Variants in ANKRD60 observed in about 807,000 individuals in gnomAD.
ANKRD60 encodes the protein ankyrin repeat domain-containing protein 60.
Under a neutral mutation model 21.3 loss-of-function variants are expected in ANKRD60, and 24 were observed. The observed-to-expected ratio is 1.13, with a 90% CI of 0.82 to 1.59. The LOEUF (loss-of-function observed/expected upper bound fraction) is 1.59, where lower values mean the gene tolerates loss of function less well. ANKRD60 is among the 40% of genes most tolerant of loss of function. The pLI, the probability that ANKRD60 is intolerant of heterozygous loss-of-function variation, is 0.00. For missense variants in ANKRD60, 490 were observed against 466.7 expected (o/e 1.05, Z -0.46); for synonymous variants, 182 against 199.4 (o/e 0.91, Z 0.74).
chr20:58,218,619 A>T, exon 4 of ANKRD60: 1 of 1,551,776 alleles, frequency 6.4e-7, no homozygotes. Flanking sequence ...GAGGAGGACC[A>T]TCTGCCTCTC....
chr20:58,228,638 C>T lies in ANKRD60; in HGVS notation c.16G>A (p.Ala6Thr), dbSNP rs1984425671. The change falls in exon 1 of 4, where the codon GCC becomes ACC. Residue 6 changes from alanine to threonine, a missense_variant. Ala to Thr is a moderately conservative substitution (Grantham distance 58). Transcript: ENST00000457363. This position sits in a 1 kb window ranked among gnomAD's most constrained non-coding sequence, Gnocchi z 5.3. ...GCCGCCGCCCGCCGCATCCCCCAGG[C>T]GCGGCCGCGCGTCATCCGCGGCTCG... 3 of 996,514 alleles carry T rather than the reference C, an allele frequency of 3.0e-6. No homozygotes were observed. The highest frequency in any genetic ancestry group is 4.5e-5 in the South Asian group (1 of 22,080). The allele number at this position is 996,514 out of a possible 1,614,324, so 61.7% of individuals were successfully genotyped here.
At chr20:58,218,490 A>G (rs583987), downstream of ANKRD60, 1,545,211 of 1,545,512 alleles carry the variant, frequency 1, 772,455 homozygotes, top group Middle Eastern at 1. Context: ...CGTTCCCACC[A>G]GGAGCTAATG....
intron 2 of ANKRD60, among the ~76,000 whole-genome samples, chr20:58,222,099 C>T (rs190897587): frequency 2.5e-4 from 38 of 152,266 alleles, no homozygotes; most frequent in East Asian, 3.9e-4. Context: ...AGAATCGAGA[C>T]GAGGATGATG....
intron 3 of ANKRD60, among the ~76,000 whole-genome samples, chr20:58,219,398 T>A (rs574732289): frequency 6.6e-6 from 1 of 152,178 alleles, no homozygotes; most frequent in Admixed American, 6.5e-5. Flanking sequence ...TGACTTCCCC[T>A]CATAAACTCC....
At chr20:58,218,747 A>T in exon 4 of ANKRD60, 2 of 1,551,430 alleles carry the variant, frequency 1.3e-6, no homozygotes, top group Non-Finnish European at 1.7e-6. Flanking sequence ...ACCGGCCCAT[A>T]GCTGCAGCCA....
chr20:58,228,283 T>G lies in ANKRD60; in HGVS notation c.371A>C (p.Glu124Ala). ...GGGGATGCCGACCATCAGGTCCAGC[T>G]CCTCTTTGAGCTCCCGCACGGTCAT... The change falls in exon 1 of 4, where the codon GAG (glutamate) becomes GCG (alanine). Residue 124 changes from glutamate to alanine, a missense_variant. Transcript: ENST00000457363. This position sits in a 1 kb window ranked among gnomAD's most constrained non-coding sequence, Gnocchi z 5.3. The G allele has an allele frequency of 2.6e-6, 4 of 1,551,370 alleles. No homozygotes were observed. The highest frequency in any genetic ancestry group is 3.5e-6 in the Non-Finnish European group (4 of 1,146,868).
downstream of ANKRD60, among the ~76,000 whole-genome samples, chr20:58,217,442 A>G (rs1352006625): frequency 1.3e-5 from 2 of 152,016 alleles, no homozygotes; most frequent in African/African-American, 2.4e-5. Context: ...AAAAGAAAAA[A>G]AAAAATCAAG....
chr20:58,217,974 G>A (rs1022355064), downstream of ANKRD60, among the ~76,000 whole-genome samples: 5 of 152,080 alleles, frequency 3.3e-5, no homozygotes, highest in Admixed American at 1.3e-4. Context: ...TTCTGCCCCC[G>A]ACTCAAGAAG....
chr20:58,228,370 A>C lies in ANKRD60; in HGVS notation c.284T>G (p.Val95Gly). 6.5e-7 allele frequency: 1 copy of C among 1,549,880 alleles called. No homozygotes were observed. The highest frequency in any genetic ancestry group is 1.4e-5 in the African/African-American group (1 of 73,144). The change falls in exon 1 of 4, where the codon GTC becomes GGC. Residue 95 changes from valine to glycine, a missense_variant. By Grantham distance (109) the Val-to-Gly change is moderately radical (BLOSUM62 -3). Coordinates refer to ENST00000457363, the Ensembl canonical transcript of ANKRD60. The surrounding 1 kb of genome is among the most constrained non-coding windows in gnomAD (Gnocchi z 5.3). ...CGTCTCCTCCAGCCGCACCCGCAGG[A>C]CGAAGACGTCAGGGGCCAAGTCGGG... is the stretch of plus-strand genomic sequence containing the variant.
chr20:58,228,123 TG>T lies in ANKRD60; in HGVS notation c.430+100del. 8.2e-7 allele frequency: 1 copy of T among 1,221,686 alleles called. No individual in the cohort carries two copies. 75.7% of individuals were successfully genotyped at this position (1,221,686 alleles called of 1,614,324 possible). On this transcript the variant is annotated intron_variant, in intron 1 of 3. Coordinates refer to ENST00000457363, the Ensembl canonical transcript of ANKRD60. The surrounding 1 kb of genome is among the most constrained non-coding windows in gnomAD (Gnocchi z 5.3). ...GGTTTCAGGGGTTTGCTTTGACATC[TG>T]GGGTTTCTCACGTAAGCAGGCTTCC... is the stretch of plus-strand genomic sequence containing the variant.
At position 58,228,378 on chromosome 20, in the gene ANKRD60, G is replaced by A. The variant is rs1365822137; in HGVS notation, c.276C>T (p.Asp92=). Residue 92 remains aspartate (D), a synonymous_variant, in exon 1 of 4, where the codon GAC becomes GAT. Transcript: ENST00000457363. The surrounding 1 kb of genome is among the most constrained non-coding windows in gnomAD (Gnocchi z 5.3). ...CCAGCCGCACCCGCAGGACGAAGAC[G>A]TCAGGGGCCAAGTCGGGCAAGGCAC... The A allele has an allele frequency of 2.6e-6, 4 of 1,549,018 alleles. No individual in the cohort carries two copies. Among genetic ancestry groups the A allele is most frequent in the East Asian group, 2.4e-5 (1 of 40,910 alleles).
In ANKRD60 at chr20:58,228,311, C is replaced by T; in HGVS notation, c.343G>A (p.Asp115Asn). 6.4e-7 allele frequency: 1 copy of T among 1,551,322 alleles called. No homozygotes were observed. Among genetic ancestry groups the T allele is most frequent in the Non-Finnish European group, 8.7e-7 (1 of 1,146,920 alleles). ...TCTTTGAGCTCCCGCACGGTCATGTCGCCGCGGCAGTTTGCCACTCGGAAC... is the reference window on the plus strand; with the variant it reads ...TCTTTGAGCTCCCGCACGGTCATGTTGCCGCGGCAGTTTGCCACTCGGAAC... Residue 115 changes from aspartate (D) to asparagine (N), a missense_variant, in exon 1 of 4, where the codon GAC becomes AAC. By Grantham distance (23) the Asp-to-Asn change is conservative. Transcript: ENST00000457363. The surrounding 1 kb of genome is among the most constrained non-coding windows in gnomAD (Gnocchi z 5.3).
chr20:58,217,313 T>C (rs543914359), downstream of ANKRD60, among the ~76,000 whole-genome samples: 2 of 152,006 alleles, frequency 1.3e-5, no homozygotes, highest in African/African-American at 2.4e-5. Context: ...CCTGTAATCT[T>C]AGCTACTCAA....
chr20:58,228,604 C>T lies in ANKRD60; in HGVS notation c.50G>A (p.Gly17Asp). The T allele has an allele frequency of 1.9e-6, 2 of 1,067,514 alleles. No homozygotes were observed. The highest frequency in any genetic ancestry group is 1.1e-6 in the Non-Finnish European group (1 of 882,606). The allele number at this position is 1,067,514 out of a possible 1,614,324, so 66.1% of individuals were successfully genotyped here. A position where few individuals can be genotyped will look rare whatever the true frequency, so the allele number is the denominator to read the frequency against. ...AGTTGGCCCCGCCGCCCGCGCTCCG[C>T]CCGCCCCCGCCGCCGCCCGCCGCAT... The change falls in exon 1 of 4, where the codon GGC becomes GAC. Residue 17 changes from glycine (G) to aspartate (D), a missense_variant. Coordinates refer to ENST00000457363, the Ensembl canonical transcript of ANKRD60. This position sits in a 1 kb window ranked among gnomAD's most constrained non-coding sequence, Gnocchi z 5.3.
chr20:58,225,236 TA>T (rs1259914246), intron 1 of ANKRD60, among the ~76,000 whole-genome samples: 2 of 152,184 alleles, frequency 1.3e-5, no homozygotes, highest in Non-Finnish European at 2.9e-5. Flanking sequence ...CTTGGATTAA[TA>T]GCCCCGCATA....
At position 58,218,579 on chromosome 20, in the gene ANKRD60, A is replaced by T. The variant is rs1212060420; in HGVS notation, c.954T>A (p.Asp318Glu). 1.9e-6 allele frequency: 3 copies of T among 1,551,700 alleles called. No homozygotes were observed. The South Asian group carries it at 3.6e-5, about 18-fold the overall frequency. The change falls in exon 4 of 4, where the codon GAT (aspartate) becomes GAA (glutamate). Residue 318 changes from aspartate to glutamate, a missense_variant. By Grantham distance (45) the Asp-to-Glu change is conservative. Transcript: ENST00000457363. ...CATTCTTCATGACCAAGTCATTCAGATCCCTTATCCCCGACTTTGCTATCC... is the reference window on the plus strand; with the variant it reads ...CATTCTTCATGACCAAGTCATTCAGTTCCCTTATCCCCGACTTTGCTATCC...
chr20:58,224,631 A>T (rs1984329847), intron 1 of ANKRD60, among the ~76,000 whole-genome samples: 1 of 152,266 alleles, frequency 6.6e-6, no homozygotes, highest in South Asian at 2.1e-4. Flanking sequence ...AGTGATCAGC[A>T]AATCTGTTAA....
Position 58,228,453 on chromosome 20 carries a change from G to A in ANKRD60, c.201C>T (p.Ala67=), listed in dbSNP as rs955797604. The A allele has an allele frequency of 2.0e-6, 3 of 1,534,940 alleles. No homozygotes were observed. The highest frequency in any genetic ancestry group is 1.7e-6 in the Non-Finnish European group (2 of 1,144,154). ...GCCGCTGGCTCCGGCCGCGGGCACA[G>A]GCCAGGGGCTGCGCGGGGAGGGCCC... Residue 67 remains alanine, a synonymous_variant, in exon 1 of 4, where the codon GCC becomes GCT. Transcript: ENST00000457363. The surrounding 1 kb of genome is among the most constrained non-coding windows in gnomAD (Gnocchi z 5.3).
chr20:58,228,466 G>A lies in ANKRD60; in HGVS notation c.188C>T (p.Ala63Val). Reference sequence around the variant, plus strand: ...GCCGCGGGCACAGGCCAGGGGCTGCGCGGGGAGGGCCCGCGAGTCCGCCGA... The same window carrying A: ...GCCGCGGGCACAGGCCAGGGGCTGCACGGGGAGGGCCCGCGAGTCCGCCGA... Residue 63 changes from alanine to valine, a missense_variant, in exon 1 of 4, where the codon GCG (alanine) becomes GTG (valine). Coordinates refer to ENST00000457363, the Ensembl canonical transcript of ANKRD60. The surrounding 1 kb of genome is among the most constrained non-coding windows in gnomAD (Gnocchi z 5.3). 2.0e-6 allele frequency: 3 copies of A among 1,524,994 alleles called. No homozygotes were observed. Among genetic ancestry groups the A allele is most frequent in the Non-Finnish European group, 2.6e-6 (3 of 1,141,026 alleles). 94.5% of individuals were successfully genotyped at this position (1,524,994 alleles called of 1,614,324 possible). A position where few individuals can be genotyped will look rare whatever the true frequency, so the allele number is the denominator to read the frequency against.
Sources: allele counts gnomAD v4.1 joint callset (sites outside exome capture counted in the v4.1 genomes callset), GRCh38; gene constraint gnomAD v4.1.1; non-coding constraint Gnocchi (gnomAD v3.1); transcripts MANE v1.5; gene names NCBI Gene and HGNC (gene_info 2026-07-23, HGNC 2026-07-21).